HDAC11: variants seen among roughly 807,000 people sequenced by gnomAD.
HDAC11 encodes the protein histone deacetylase 11.
Under a neutral mutation model 41.1 loss-of-function variants are expected in HDAC11, and 23 were observed. The ratio of observed to expected loss-of-function variants is 0.56; its 90% CI spans 0.40 to 0.79. HDAC11 has a LOEUF of 0.79. HDAC11 is among the 30% of genes least tolerant of loss of function. HDAC11 has a pLI of 0.00. For synonymous variants in HDAC11, 187 were observed against 186.6 expected (o/e 1.00, Z -0.02); for missense variants, 402 against 477.3 (o/e 0.84, Z 1.47).
rs1347418437 is a variant in HDAC11, at chr3:13,501,919, C to T, written c.538C>T (p.Leu180Phe). The T allele has an allele frequency of 6.2e-7, 1 of 1,613,820 alleles. No homozygotes were observed. Among genetic ancestry groups the T allele is most frequent in the Non-Finnish European group, 8.5e-7 (1 of 1,179,884 alleles). ...EGISRATIIDLDAHQGNGHER... is the reference protein window; with the variant it reads ...EGISRATIIDFDAHQGNGHER... ...CATCTCCAGGGCTACCATCATTGAT[C>T]TTGATGCCCATCAGGTGAGTGCCCT... The change falls in exon 7 of 10, where the codon CTT (leucine) becomes TTT (phenylalanine). Residue 180 changes from leucine (L) to phenylalanine (F), a missense_variant. Physicochemically the swap from Leu to Phe is conservative, Grantham distance 22. Coordinates refer to ENST00000295757, the MANE Select transcript of HDAC11 (RefSeq NM_024827.4).
At chr3:13,501,518 G>C in intron 6 of HDAC11, 1 of 456,618 alleles carries the variant, frequency 2.2e-6, no homozygotes, top group South Asian at 1.9e-5. Context: ...GTTGGGGACT[G>C]AAGTCCCAGG....
In HDAC11 at chr3:13,486,642, G is replaced by A. The variant is rs572944609; in HGVS notation, c.252+3078G>A. On this transcript the variant is annotated intron_variant, in intron 3 of 9. Coordinates refer to ENST00000295757, the MANE Select transcript of HDAC11 (RefSeq NM_024827.4). ...TGCCCAGGCTCGAGTACAGTGGTGC[G>A]ATCTCAGCTCACAGCAACCTCTGCC... is the stretch of plus-strand genomic sequence containing the variant. Among the ~76,000 whole-genome samples the A allele has an allele frequency of 3.0e-4, 43 of 143,676 alleles. No homozygotes were observed. In the South Asian group the frequency reaches 3.2e-3, roughly 11 times the overall value. 94.3% of individuals were successfully genotyped at this position (143,676 alleles called of 152,430 possible).
intron 3 of HDAC11, 47 bp from the exon 4 acceptor site, chr3:13,496,689 C>T: frequency 7.6e-7 from 1 of 1,321,482 alleles, no homozygotes. Context: ...CACGGGTTGC[C>T]TCAGGGTGGG....
intron 5 of HDAC11, among the ~76,000 whole-genome samples, chr3:13,500,472 T>G (rs908502519): frequency 1.3e-5 from 2 of 152,132 alleles, no homozygotes; most frequent in Non-Finnish European, 2.9e-5. Flanking sequence ...AGCTATCTGT[T>G]GCTTAGGGGT....
At chr3:13,500,447 G>A (rs1473583499) in intron 5 of HDAC11, among the ~76,000 whole-genome samples, 1 of 152,180 alleles carries the variant, frequency 6.6e-6, no homozygotes, top group Non-Finnish European at 1.5e-5. Flanking sequence ...GCAGCTTTCT[G>A]CTTCTGGAAT....
chr3:13,494,738 C>T (rs2125006876), intron 3 of HDAC11, among the ~76,000 whole-genome samples: 1 of 152,330 alleles, frequency 6.6e-6, no homozygotes, highest in South Asian at 2.1e-4. Flanking sequence ...GCCGCCCTTG[C>T]CGGCCTGGGC....
chr3:13,494,692 A>G (rs1559376630), intron 3 of HDAC11, among the ~76,000 whole-genome samples: 2 of 151,988 alleles, frequency 1.3e-5, no homozygotes, highest in Non-Finnish European at 2.9e-5. Flanking sequence ...CTTCTCTACC[A>G]GAGTGAGGGA....
At chr3:13,484,209 C>G (rs2597516) in intron 3 of HDAC11, among the ~76,000 whole-genome samples, 74,454 of 152,028 alleles carry the variant, frequency 0.49, 18,753 homozygotes, top group African/African-American at 0.61. Context: ...GGTCATCTGC[C>G]CACCTCGGCC....
chr3:13,483,601 G>A (rs1701425196), intron 3 of HDAC11, 37 bp downstream of exon 3: 1 of 1,540,602 alleles, frequency 6.5e-7, no homozygotes, highest in African/African-American at 1.4e-5. Flanking sequence ...GCGGGCCTGG[G>A]GCAGGGGGCT....
rs556135027 is a variant in HDAC11, at chr3:13,494,199, G to A, written c.253-2537G>A. ...TGGTTTGTGTCCATGCTGGGCTCTCGGCTGCATTGTCTTCCAGTCTGTGTC... is the reference window on the plus strand; with the variant it reads ...TGGTTTGTGTCCATGCTGGGCTCTCAGCTGCATTGTCTTCCAGTCTGTGTC... On this transcript the variant is annotated intron_variant, in intron 3 of 9. Transcript: ENST00000295757. Among the ~76,000 whole-genome samples, 7 of 152,146 alleles carry A rather than the reference G, an allele frequency of 4.6e-5. No homozygotes were observed. The South Asian group carries it at 1.0e-3, about 23-fold the overall frequency.
chr3:13,497,277 C>T (rs1170440499), intron 4 of HDAC11, among the ~76,000 whole-genome samples: 1 of 151,900 alleles, frequency 6.6e-6, no homozygotes, highest in African/African-American at 2.4e-5. Context: ...CTCCTAGGTT[C>T]AAGCGATTCT....
At chr3:13,494,553 C>T (rs560856315) in intron 3 of HDAC11, among the ~76,000 whole-genome samples, 5 of 152,336 alleles carry the variant, frequency 3.3e-5, no homozygotes, top group African/African-American at 1.2e-4. Context: ...CTGGTCCCAG[C>T]TCTTACACTC....
At chr3:13,495,923 T>G (rs995903511) in intron 3 of HDAC11, among the ~76,000 whole-genome samples, 4 of 152,234 alleles carry the variant, frequency 2.6e-5, no homozygotes, top group African/African-American at 9.6e-5. Context: ...TGTCTGCAAG[T>G]GTCCTGGCAT....
chr3:13,503,008 G>A (rs767433316), intron 8 of HDAC11, 28 bp downstream of exon 8: 1 of 1,561,462 alleles, frequency 6.4e-7, no homozygotes, highest in Non-Finnish European at 8.8e-7. Context: ...CCCTCATCTT[G>A]GGTGTGTCCT....
chr3:13,488,554 C>A (rs552037409), intron 3 of HDAC11, among the ~76,000 whole-genome samples: 1 of 152,326 alleles, frequency 6.6e-6, no homozygotes, highest in East Asian at 1.9e-4. Flanking sequence ...TCTCACTAAG[C>A]ACAGCGTTTT....
chr3:13,499,554 A>G (rs552368852), intron 5 of HDAC11, among the ~76,000 whole-genome samples: 1 of 152,312 alleles, frequency 6.6e-6, no homozygotes, highest in Non-Finnish European at 1.5e-5. Flanking sequence ...AAAGATGCGT[A>G]CTGGATCGTG....
At chr3:13,490,502 C>A (rs1465710436) in intron 3 of HDAC11, among the ~76,000 whole-genome samples, 1 of 152,024 alleles carries the variant, frequency 6.6e-6, no homozygotes, top group Non-Finnish European at 1.5e-5. Flanking sequence ...TTATTTATGT[C>A]TTTAATTTCT....
intron 3 of HDAC11, among the ~76,000 whole-genome samples, chr3:13,485,211 G>A (rs1391131999): frequency 6.6e-6 from 1 of 152,248 alleles, no homozygotes. Context: ...AGCCTGAGGT[G>A]TGAGAATTCT....
At chr3:13,484,443 C>T (rs1484512209) in intron 3 of HDAC11, among the ~76,000 whole-genome samples, 1 of 152,220 alleles carries the variant, frequency 6.6e-6, no homozygotes, top group Non-Finnish European at 1.5e-5. Flanking sequence ...CAAGGGGCGG[C>T]TCCTCAGCTC....
Sources: gnomAD v4.1 joint callset for allele counts (sites outside exome capture counted in the v4.1 genomes callset) on GRCh38, gnomAD v4.1.1 for gene constraint, MANE v1.5 for transcripts, NCBI Gene and HGNC (gene_info 2026-07-23, HGNC 2026-07-21) for gene names.